Variants in THSD7B observed in about 807,000 individuals in gnomAD.
THSD7B encodes the protein thrombospondin type-1 domain-containing protein 7B.
Under a neutral mutation model 213.6 loss-of-function variants are expected in THSD7B, and 138 were observed. The observed-to-expected ratio is 0.65, with a 90% CI of 0.56 to 0.74. The LOEUF (loss-of-function observed/expected upper bound fraction) is 0.74. Among genes scored for constraint, THSD7B ranks in the 30% least tolerant of loss-of-function variants. The pLI is 0.00. For synonymous variants in THSD7B, 742 were observed against 687.0 expected (o/e 1.08, Z -1.25); for missense variants, 1,931 against 1,991.5 (o/e 0.97, Z 0.58).
intron 15 of THSD7B, among the ~76,000 whole-genome samples, chr2:137,521,360 A>G (rs1248200365): frequency 6.6e-6 from 1 of 152,112 alleles, no homozygotes; most frequent in Admixed American, 6.5e-5. Context: ...CATCAGTGAG[A>G]CCATCACTGT....
intron 7 of THSD7B, among the ~76,000 whole-genome samples, chr2:137,209,823 G>T (rs374898203): frequency 8.6e-5 from 13 of 151,296 alleles, no homozygotes; most frequent in African/African-American, 2.9e-4. Context: ...AATTCATATG[G>T]TGAAGTCCTA....
At chr2:137,336,989 G>T (rs1427971649) in intron 12 of THSD7B, among the ~76,000 whole-genome samples, 1 of 151,638 alleles carries the variant, frequency 6.6e-6, no homozygotes, top group East Asian at 1.9e-4. Context: ...ATCATATACT[G>T]ATTCCTTGTA....
chr2:137,126,308 A>G (rs943221307), intron 5 of THSD7B, among the ~76,000 whole-genome samples: 1 of 152,160 alleles, frequency 6.6e-6, no homozygotes, highest in Non-Finnish European at 1.5e-5. Flanking sequence ...AGCCACCTTC[A>G]TCAATGATCT....
chr2:137,153,857 C>T (rs570733232), intron 5 of THSD7B, among the ~76,000 whole-genome samples: 1 of 151,560 alleles, frequency 6.6e-6, no homozygotes, highest in Admixed American at 6.6e-5. Context: ...AGCATTTTTA[C>T]ATAAGTAGGC....
At chr2:137,540,370 T>C (rs1162454931) in intron 15 of THSD7B, among the ~76,000 whole-genome samples, 2 of 151,710 alleles carry the variant, frequency 1.3e-5, no homozygotes, top group African/African-American at 4.8e-5. Flanking sequence ...GAGCGCTTAC[T>C]CACAAAAATG....
chr2:137,044,744 G>C (rs967430617), intron 2 of THSD7B, among the ~76,000 whole-genome samples: 1 of 152,022 alleles, frequency 6.6e-6, no homozygotes, highest in Non-Finnish European at 1.5e-5. Context: ...CTTTCTTCTT[G>C]TGATGATGTG....
At chr2:137,384,538 G>A (rs1402316183) in intron 12 of THSD7B, among the ~76,000 whole-genome samples, 3 of 151,986 alleles carry the variant, frequency 2.0e-5, no homozygotes, top group African/African-American at 7.3e-5. Flanking sequence ...TAGCACAGAA[G>A]GAACATGAAC....
chr2:137,071,552 T>C (rs1431811641), intron 3 of THSD7B, among the ~76,000 whole-genome samples: 4 of 152,216 alleles, frequency 2.6e-5, no homozygotes, highest in Admixed American at 1.3e-4. Context: ...GCAGAAGCTC[T>C]TTAGTTTAAT....
intron 12 of THSD7B, among the ~76,000 whole-genome samples, chr2:137,345,851 A>T (rs890650637): frequency 6.6e-6 from 1 of 151,604 alleles, no homozygotes; most frequent in African/African-American, 2.4e-5. Context: ...GACATTTTTT[A>T]AAAAGCTCAG....
chr2:137,268,191 A>C (rs1682644125), intron 10 of THSD7B, among the ~76,000 whole-genome samples: 3 of 152,062 alleles, frequency 2.0e-5, no homozygotes, highest in Non-Finnish European at 2.9e-5. Context: ...TCTAGGGTAC[A>C]TGTGCACAAC....
chr2:137,361,457 C>T (rs987798379), intron 12 of THSD7B, among the ~76,000 whole-genome samples: 2 of 152,110 alleles, frequency 1.3e-5, no homozygotes, highest in African/African-American at 4.8e-5. Context: ...GATGTTCAAA[C>T]CCATCAAAAG....
At chr2:137,264,275 CAG>C (rs1282809793) in intron 10 of THSD7B, among the ~76,000 whole-genome samples, 2 of 145,636 alleles carry the variant, frequency 1.4e-5, no homozygotes, top group African/African-American at 2.6e-5. Flanking sequence ...TTTTTTGAGA[CAG>C]AGTCTCGCTC....
At chr2:136,880,119 A>T (rs1286528656) in intron 1 of THSD7B, among the ~76,000 whole-genome samples, 1 of 152,208 alleles carries the variant, frequency 6.6e-6, no homozygotes, top group African/African-American at 2.4e-5. Flanking sequence ...AGCAGACCTA[A>T]TAGACATCTA....
intron 3 of THSD7B, among the ~76,000 whole-genome samples, chr2:137,081,507 T>A (rs2104905048): frequency 6.6e-6 from 1 of 152,268 alleles, no homozygotes; most frequent in Admixed American, 6.5e-5. Context: ...TTTGAAAATT[T>A]TTTTGCTTTT....
intron 20 of THSD7B, among the ~76,000 whole-genome samples, chr2:137,626,726 G>C (rs1215929417): frequency 6.6e-6 from 1 of 152,266 alleles, no homozygotes; most frequent in African/African-American, 2.4e-5. Flanking sequence ...GCAGCAGCCT[G>C]AGCTTTGCTG....
At chr2:136,950,679 T>C (rs1309198033) in intron 2 of THSD7B, among the ~76,000 whole-genome samples, 1 of 152,222 alleles carries the variant, frequency 6.6e-6, no homozygotes, top group Non-Finnish European at 1.5e-5. Flanking sequence ...CTTCTGCAAT[T>C]ATCGCCATTA....
Position 136,794,064 on chromosome 2 carries a change from G to C in THSD7B, c.-36+28377G>C, listed in dbSNP as rs78878278. Reference sequence around the variant, plus strand: ...TTCTCTCATTATCTGTTTCCGTGTGGTGATGCCCCTCATTAATTCCTGATA... The same window carrying C: ...TTCTCTCATTATCTGTTTCCGTGTGCTGATGCCCCTCATTAATTCCTGATA... On this transcript the variant is annotated intron_variant, in intron 1 of 27. Transcript: ENST00000409968. Among the ~76,000 whole-genome samples the C allele has an allele frequency of 9.1e-3, 1,367 of 150,540 alleles. 25 individuals are homozygous for C. The highest frequency in any genetic ancestry group is 0.031 in the African/African-American group (1,254 of 41,066).
At chr2:137,428,308 T>G (rs973466138) in intron 14 of THSD7B, among the ~76,000 whole-genome samples, 2 of 152,126 alleles carry the variant, frequency 1.3e-5, no homozygotes, top group Non-Finnish European at 2.9e-5. Flanking sequence ...AAACAGGTGT[T>G]GGTGAGGATA....
At chr2:137,247,966 C>CA (rs1443716083) in intron 10 of THSD7B, among the ~76,000 whole-genome samples, 1 of 152,054 alleles carries the variant, frequency 6.6e-6, no homozygotes, top group Non-Finnish European at 1.5e-5. Context: ...GGAACAGTGC[C>CA]AGGTATATAG....
Sources: allele counts gnomAD v4.1 joint callset (sites outside exome capture counted in the v4.1 genomes callset), GRCh38; gene constraint gnomAD v4.1.1; transcripts MANE v1.5; gene names NCBI Gene and HGNC (gene_info 2026-07-23, HGNC 2026-07-21).